COG5: variants seen among roughly 807,000 people sequenced by gnomAD.
COG5 encodes component of oligomeric golgi complex 5, also known as conserved oligomeric Golgi complex subunit 5.
In COG5, 86 loss-of-function variants were observed where a neutral mutation model predicts 110.4. The ratio of observed to expected loss-of-function variants is 0.78; its 90% CI spans 0.65 to 0.93. The LOEUF is 0.93. COG5 is among the 40% of genes least tolerant of loss of function. The probability of loss-of-function intolerance (pLI) is 0.00; values close to 1 mark genes in which losing one functional copy is unlikely to be tolerated. For synonymous variants in COG5, 360 were observed against 334.6 expected, an observed-to-expected ratio of 1.08 and a Z score of -0.83; for missense variants, 1,077 against 987.0, an observed-to-expected ratio of 1.09 and a Z score of -1.22.
chr7:107,558,629 G>GT (rs1172367890), intron 1 of COG5, among the ~76,000 whole-genome samples: 1 of 151,248 alleles, frequency 6.6e-6, no homozygotes, highest in Non-Finnish European at 1.5e-5. Flanking sequence ...GCTCACACCT[G>GT]TAATCCCAGC....
chr7:107,392,584 A>G (rs986768016), intron 7 of COG5, among the ~76,000 whole-genome samples: 1 of 152,104 alleles, frequency 6.6e-6, no homozygotes, highest in Admixed American at 6.5e-5. Flanking sequence ...AGGAAGTAGA[A>G]TGACCAATGA....
intron 1 of COG5, among the ~76,000 whole-genome samples, chr7:107,559,990 A>C (rs1321751919): frequency 6.6e-6 from 1 of 152,258 alleles, no homozygotes; most frequent in Non-Finnish European, 1.5e-5. Flanking sequence ...ATTTAACCCA[A>C]GAAATTGCAC....
chr7:107,347,354 G>C (rs190810569), intron 10 of COG5, among the ~76,000 whole-genome samples: 66 of 152,286 alleles, frequency 4.3e-4, no homozygotes, highest in Non-Finnish European at 6.6e-4. Context: ...ATGAGAGAGA[G>C]AGAATGAATC....
chr7:107,207,366 G>C (rs1003775498), intron 21 of COG5, among the ~76,000 whole-genome samples: 1 of 152,190 alleles, frequency 6.6e-6, no homozygotes, highest in Non-Finnish European at 1.5e-5. Context: ...CCAGATTGTG[G>C]ACCCTGGACC....
chr7:107,550,323 C>G (rs1020163923), intron 3 of COG5, among the ~76,000 whole-genome samples: 1 of 152,160 alleles, frequency 6.6e-6, no homozygotes, highest in Non-Finnish European at 1.5e-5. Context: ...GTCCCTGATT[C>G]CACCATTGCC....
chr7:107,382,086 G>A (rs1427883422), intron 7 of COG5, among the ~76,000 whole-genome samples: 2 of 152,286 alleles, frequency 1.3e-5, no homozygotes, highest in East Asian at 3.9e-4. Context: ...GGGGTCAGTC[G>A]TGACGTGCAG....
intron 6 of COG5, among the ~76,000 whole-genome samples, chr7:107,438,123 G>A (rs1346239213): frequency 6.6e-6 from 1 of 152,100 alleles, no homozygotes; most frequent in East Asian, 1.9e-4. Flanking sequence ...CAGAAAAAGA[G>A]AAGAAACTTA....
intron 12 of COG5, among the ~76,000 whole-genome samples, chr7:107,285,496 T>A (rs1805556384): frequency 6.6e-6 from 1 of 152,196 alleles, no homozygotes; most frequent in African/African-American, 2.4e-5. Context: ...TCTACATTTA[T>A]AATAACCTTT....
At chr7:107,352,243 G>A (rs1386367542) in intron 10 of COG5, among the ~76,000 whole-genome samples, 2 of 144,170 alleles carry the variant, frequency 1.4e-5, no homozygotes, top group East Asian at 2.1e-4. Context: ...CTCACTCATA[G>A]GTGGGAAGTG....
At chr7:107,528,242 C>A (rs2129157694) in intron 5 of COG5, among the ~76,000 whole-genome samples, 1 of 152,164 alleles carries the variant, frequency 6.6e-6, no homozygotes, top group East Asian at 1.9e-4. Context: ...CAGGCGTGTG[C>A]CACCATGCCT....
At chr7:107,381,193 T>C (rs1426602430) in intron 7 of COG5, among the ~76,000 whole-genome samples, 1 of 152,194 alleles carries the variant, frequency 6.6e-6, no homozygotes, top group Non-Finnish European at 1.5e-5. Flanking sequence ...TTTCATAAAA[T>C]CAAGTGCTTT....
intron 6 of COG5, among the ~76,000 whole-genome samples, chr7:107,465,015 A>C (rs1462271676): frequency 6.6e-6 from 1 of 152,178 alleles, no homozygotes; most frequent in African/African-American, 2.4e-5. Context: ...TAGTTCTGTT[A>C]GGGCTTTGCA....
At chr7:107,248,167 G>A (rs1354370808) in intron 17 of COG5, among the ~76,000 whole-genome samples, 2 of 152,022 alleles carry the variant, frequency 1.3e-5, no homozygotes, top group African/African-American at 4.8e-5. Flanking sequence ...ACGTGATACT[G>A]TTCATAAAGA....
intron 5 of COG5, among the ~76,000 whole-genome samples, chr7:107,540,047 C>A (rs986449155): frequency 1.6e-4 from 25 of 151,948 alleles, no homozygotes; most frequent in Admixed American, 2.6e-4. Flanking sequence ...TTCAAGAAAG[C>A]CAAAAAAGCT....
chr7:107,456,541 G>C (rs763246860), intron 6 of COG5, among the ~76,000 whole-genome samples: 1 of 152,138 alleles, frequency 6.6e-6, no homozygotes, highest in East Asian at 1.9e-4. Flanking sequence ...TAAACACAAC[G>C]AACTCAATTA....
chr7:107,396,467 T>C (rs1037609783), intron 7 of COG5, among the ~76,000 whole-genome samples: 1 of 145,160 alleles, frequency 6.9e-6, no homozygotes, highest in Non-Finnish European at 1.5e-5. Context: ...TCAACTTTAT[T>C]CTAGCCTTTA....
At chr7:107,285,030 A>G (rs1355492466) in intron 12 of COG5, among the ~76,000 whole-genome samples, 1 of 152,220 alleles carries the variant, frequency 6.6e-6, no homozygotes, top group African/African-American at 2.4e-5. Context: ...CTCCAACATC[A>G]TAATTCCATA....
chr7:107,324,686 A>T (rs542452039), intron 10 of COG5, among the ~76,000 whole-genome samples, 165 bp from the exon 11 acceptor site: 124 of 152,302 alleles, frequency 8.1e-4, no homozygotes, highest in African/African-American at 2.6e-3. Context: ...AAATACAAAG[A>T]TGATTCAAAT....
At chr7:107,329,803 G>A (rs974630909) in intron 10 of COG5, among the ~76,000 whole-genome samples, 1 of 152,166 alleles carries the variant, frequency 6.6e-6, no homozygotes, top group Non-Finnish European at 1.5e-5. Context: ...GGCTGAGGCA[G>A]GAGACTGCTT....
Sources: gnomAD v4.1 joint callset for allele counts (sites outside exome capture counted in the v4.1 genomes callset) on GRCh38, gnomAD v4.1.1 for gene constraint, MANE v1.5 for transcripts, NCBI Gene and HGNC (gene_info 2026-07-23, HGNC 2026-07-21) for gene names.